Variants in OFD1 observed in about 807,000 individuals in gnomAD.
OFD1 encodes OFD1 centriole and centriolar satellite protein, also known as centriole and centriolar satellite protein OFD1.
A neutral mutation model predicts 81.4 loss-of-function variants in OFD1; 12 were observed. The observed-to-expected ratio is 0.15, with a 90% CI of 0.09 to 0.24. The LOEUF (loss-of-function observed/expected upper bound fraction) is 0.24. Among genes scored for constraint, OFD1 ranks in the 10% least tolerant of loss-of-function variants. The pLI is 1.00. For synonymous variants in OFD1, 256 were observed against 263.7 expected (o/e 0.97, Z 0.28); for missense variants, 685 against 733.9 (o/e 0.93, Z 0.77).
In OFD1 at chrX:13,745,163, A is replaced by G. The variant is rs186863596; in HGVS notation, c.517+644A>G. ...TGGTAACTTGCAAGAAGATAAGTTC[A>G]TAATTCATAAAATGTATTATATGAC... is the stretch of plus-strand genomic sequence containing the variant. On this transcript the variant is annotated intron_variant, in intron 6 of 22. Transcript: ENST00000340096. Among the ~76,000 whole-genome samples the G allele has an allele frequency of 3.8e-3, 428 of 112,437 alleles. 2 individuals carry two copies. The highest frequency in any genetic ancestry group is 5.1e-3 in the Non-Finnish European group (271 of 53,304).
chrX:13,766,949 A>T (rs945794384), intron 19 of OFD1, among the ~76,000 whole-genome samples, 178 bp from the exon 20 acceptor site: 1 of 110,691 alleles, frequency 9.0e-6, no homozygotes, highest in Admixed American at 9.6e-5. Context: ...CAGTTCAAGG[A>T]GTGGGGTCGG....
At chrX:13,741,054 C>T (rs182820107) in intron 5 of OFD1, among the ~76,000 whole-genome samples, 5 of 110,564 alleles carry the variant, frequency 4.5e-5, no homozygotes, top group Admixed American at 9.6e-5. Flanking sequence ...GCAGGGGAAT[C>T]GCTTGAACCC....
At chrX:13,757,311 G>GGATC (rs375307564) in intron 13 of OFD1, among the ~76,000 whole-genome samples, 292 of 111,993 alleles carry the variant, frequency 2.6e-3, no homozygotes, top group African/African-American at 9.1e-3. Flanking sequence ...AGATCATATT[G>GGATC]GATCCCAGGG....
At chrX:13,753,827 C>G (rs921667893) in intron 11 of OFD1, among the ~76,000 whole-genome samples, 12 of 112,081 alleles carry the variant, frequency 1.1e-4, no homozygotes, top group Non-Finnish European at 1.5e-4. Flanking sequence ...TCTCTGTCCT[C>G]TGTGACCTAG....
chrX:13,751,486 AC>A (rs1490553851), intron 10 of OFD1, 118 bp downstream of exon 10: 3 of 560,312 alleles, frequency 5.4e-6, no homozygotes, highest in African/African-American at 4.8e-5. Context: ...AAAAAAAAAA[AC>A]ATAGTTTTAT....
At chrX:13,735,746 A>G (rs976027789) in intron 2 of OFD1, among the ~76,000 whole-genome samples, 3 of 112,350 alleles carry the variant, frequency 2.7e-5, no homozygotes, top group African/African-American at 9.7e-5. Flanking sequence ...GTACTGCTTA[A>G]TAATAGTTTG....
intron 3 of OFD1, among the ~76,000 whole-genome samples, chrX:13,737,058 ACT>A (rs2046894264): frequency 8.9e-6 from 1 of 111,747 alleles, no homozygotes; most frequent in East Asian, 2.8e-4. Flanking sequence ...GAGGAACCAG[ACT>A]CTGGAGAGGT....
At chrX:13,767,496 T>C (rs1170555857) in intron 20 of OFD1, among the ~76,000 whole-genome samples, 1 of 112,147 alleles carries the variant, frequency 8.9e-6, no homozygotes, top group Non-Finnish European at 1.9e-5. Context: ...AGGATAGTTT[T>C]TGAAGGTAAT....
chrX:13,752,923 C>A (rs1295037800), intron 10 of OFD1: 9 of 917,560 alleles, frequency 9.8e-6, no homozygotes, highest in Non-Finnish European at 1.2e-5. Flanking sequence ...GCTCTCAGGA[C>A]TGTGCTTAGT....
chrX:13,749,994 T>A (rs2047442608), intron 9 of OFD1, among the ~76,000 whole-genome samples: 2 of 112,489 alleles, frequency 1.8e-5, no homozygotes, highest in South Asian at 7.3e-4. Context: ...TTCTAAGTGC[T>A]CACAAATGTT....
the OFD1 span, among the ~76,000 whole-genome samples, chrX:13,717,517 G>A: frequency 9.0e-6 from 1 of 111,370 alleles, no homozygotes; most frequent in Non-Finnish European, 1.9e-5. Context: ...TGAGGCAGGT[G>A]GATCACCTGA....
chrX:13,755,701 T>C (rs753190236), intron 12 of OFD1, among the ~76,000 whole-genome samples: 1 of 112,343 alleles, frequency 8.9e-6, no homozygotes, highest in South Asian at 3.7e-4. Context: ...TCTTACAGAT[T>C]AAAACAAAAT....
Position 13,738,886 on chromosome X carries a change from A to C in OFD1, c.353A>C (p.Asn118Thr), listed in dbSNP as rs761683644. The change falls in exon 4 of 23, where the codon AAC becomes ACC. Residue 118 changes from asparagine to threonine, a missense_variant. Transcript: ENST00000340096. ...GATCTATTACAACTCATTAAAATCAACCCTACTTCCAGTCTCTACAAATCA... is the reference window on the plus strand; with the variant it reads ...GATCTATTACAACTCATTAAAATCACCCCTACTTCCAGTCTCTACAAATCA... Reference protein sequence around the residue: ...MQDLLQLIKINPTSSLYKSLV... With the variant: ...MQDLLQLIKITPTSSLYKSLV... 21 of 1,193,536 alleles carry C rather than the reference A, an allele frequency of 1.8e-5. No individual in the cohort carries two copies. Among genetic ancestry groups the C allele is most frequent in the Non-Finnish European group, 2.4e-5 (21 of 880,154 alleles).
At chrX:13,769,648 C>A (rs934779952), downstream of OFD1, among the ~76,000 whole-genome samples, 10 of 111,701 alleles carry the variant, frequency 9.0e-5, no homozygotes, top group African/African-American at 3.2e-4. Context: ...TTTAAACCCC[C>A]CCGTGTGATA....
intron 3 of OFD1, 144 bp downstream of exon 3, chrX:13,736,822 A>G (rs754218749): frequency 1.5e-5 from 7 of 468,885 alleles, no homozygotes; most frequent in Non-Finnish European, 2.6e-5. Context: ...CCTGCACATA[A>G]TATATTTGTT....
At chrX:13,740,876 C>T (rs191371113) in intron 5 of OFD1, among the ~76,000 whole-genome samples, 1 of 109,416 alleles carries the variant, frequency 9.1e-6, no homozygotes, top group African/African-American at 3.3e-5. Flanking sequence ...CAGTGGCTCA[C>T]GCCTGTAATC....
At chrX:13,724,400 T>TAAAAA in the OFD1 span, among the ~76,000 whole-genome samples, 379 of 82,286 alleles carry the variant, frequency 4.6e-3, 1 homozygote, top group African/African-American at 0.016. Context: ...AATATATATT[T>TAAAAA]AAAAAAAAAA....
downstream of OFD1, among the ~76,000 whole-genome samples, chrX:13,770,145 C>A (rs139650015): frequency 3.6e-5 from 4 of 112,143 alleles, no homozygotes; most frequent in Admixed American, 1.9e-4. Context: ...TCCTAGGTTT[C>A]GTGGCAGGAT....
At position 13,768,055 on chromosome X, in the gene OFD1, A is replaced by T; in HGVS notation, c.2759A>T (p.Lys920Met). Residue 920 changes from lysine (K) to methionine (M), a missense_variant and splice_region_variant, in exon 21 of 23, where the codon AAG (lysine) becomes ATG (methionine). By Grantham distance (95) the Lys-to-Met change is moderately conservative. This residue lies in a region of OFD1 where 259 missense variants were observed against 254.4 expected (regional missense o/e 1.02). Transcript: ENST00000340096. ...RELEKLYQER[K>M]MIEESLKIKI... ...TCTGTTTTGGTGCCTGTTTTATAGA[A>T]GATGATTGAAGAATCACTGAAGATT... The T allele has an allele frequency of 8.6e-7, 1 of 1,166,694 alleles. No individual in the cohort carries two copies.
Sources: gnomAD v4.1 joint callset for allele counts (sites outside exome capture counted in the v4.1 genomes callset) on GRCh38, gnomAD v4.1.1 for gene constraint, gnomAD v4.1.1 regional missense constraint, MANE v1.5 for transcripts, NCBI Gene and HGNC (gene_info 2026-07-23, HGNC 2026-07-21) for gene names.